Variants in KCNQ5 observed in about 807,000 individuals in gnomAD.
KCNQ5 encodes the protein potassium voltage-gated channel subfamily KQT member 5.
A neutral mutation model predicts 98.2 loss-of-function variants in KCNQ5; 30 were observed. That is an observed-to-expected ratio of 0.31 (90% CI 0.23 to 0.41). The LOEUF is 0.41. Among genes scored for constraint, KCNQ5 ranks in the 10% least tolerant of loss-of-function variants. The probability of loss-of-function intolerance (pLI) is 1.00; values close to 1 mark genes in which losing one functional copy is unlikely to be tolerated. For synonymous variants in KCNQ5, 458 were observed against 449.4 expected, an observed-to-expected ratio of 1.02 and a Z score of -0.24; for missense variants, 835 against 1,182.5, an observed-to-expected ratio of 0.71 and a Z score of 4.31.
intron 1 of KCNQ5, among the ~76,000 whole-genome samples, chr6:72,634,327 T>C (rs957817573): frequency 6.6e-5 from 10 of 152,330 alleles, no homozygotes; most frequent in African/African-American, 2.4e-4. Context: ...TTTCTTTAAA[T>C]ATTTTTCTGA....
At chr6:72,799,112 A>T (rs1477717186) in intron 1 of KCNQ5, among the ~76,000 whole-genome samples, 1 of 152,134 alleles carries the variant, frequency 6.6e-6, no homozygotes, top group Non-Finnish European at 1.5e-5. Flanking sequence ...AGAGACAGAG[A>T]GACAGATTGC....
chr6:72,817,711 T>TG (rs1252513967), intron 1 of KCNQ5, among the ~76,000 whole-genome samples: 1 of 152,054 alleles, frequency 6.6e-6, no homozygotes, highest in Non-Finnish European at 1.5e-5. Context: ...CTGACCATTA[T>TG]GGTGAAACCC....
Position 72,749,316 on chromosome 6 carries a change from C to T in KCNQ5, c.398+126729C>T, listed in dbSNP as rs542307698. On this transcript the variant is annotated intron_variant, in intron 1 of 13. Coordinates refer to ENST00000370398, the MANE Select transcript of KCNQ5 (RefSeq NM_019842.4). The stretch of plus-strand genomic sequence containing the variant: ...GTGATTTTTGGTTTATATTTTAAAG[C>T]CACCTGGTTATGAGGTATCTTTACT... 5.3e-5 allele frequency among the ~76,000 whole-genome samples: 8 copies of T among 152,158 alleles called. No homozygotes were observed. The South Asian group carries it at 1.7e-3, about 32-fold the overall frequency.
chr6:72,972,659 C>A (rs555865541), intron 1 of KCNQ5, among the ~76,000 whole-genome samples: 48 of 152,210 alleles, frequency 3.2e-4, no homozygotes, highest in Admixed American at 2.8e-3. Flanking sequence ...CATGTCCCTG[C>A]AAAGGACATG....
At chr6:72,645,208 AAAAAAC>A (rs1194635073) in intron 1 of KCNQ5, among the ~76,000 whole-genome samples, 1 of 143,254 alleles carries the variant, frequency 7.0e-6, no homozygotes, top group East Asian at 2.1e-4. Context: ...TGTCACCAAA[AAAAAAC>A]AAAAAAAAAC....
chr6:73,093,322 G>A (rs184696620), intron 5 of KCNQ5, among the ~76,000 whole-genome samples: 20 of 152,080 alleles, frequency 1.3e-4, no homozygotes, highest in Middle Eastern at 3.4e-3. Flanking sequence ...CTTGCTAACG[G>A]TCTATCAATT....
intron 1 of KCNQ5, among the ~76,000 whole-genome samples, chr6:72,968,355 C>CA (rs1767717319): frequency 1.3e-5 from 2 of 151,194 alleles, no homozygotes. Flanking sequence ...CATGCAAACT[C>CA]AAAGTACTGA....
intron 1 of KCNQ5, among the ~76,000 whole-genome samples, chr6:72,777,189 T>C (rs960590253): frequency 7.9e-5 from 12 of 152,172 alleles, no homozygotes; most frequent in Non-Finnish European, 1.6e-4. Flanking sequence ...AGAAAGTTAT[T>C]GCAAGGTTTT....
chr6:72,803,276 G>T (rs992629252), intron 1 of KCNQ5, among the ~76,000 whole-genome samples: 1 of 152,164 alleles, frequency 6.6e-6, no homozygotes, highest in Non-Finnish European at 1.5e-5. Flanking sequence ...ATAAAAACCT[G>T]CATAATAGAC....
At chr6:72,681,187 G>T (rs543961563) in intron 1 of KCNQ5, among the ~76,000 whole-genome samples, 17 of 152,360 alleles carry the variant, frequency 1.1e-4, no homozygotes, top group Non-Finnish European at 2.2e-4. Flanking sequence ...TTGAGGACGT[G>T]AGAAGAAAGC....
At chr6:73,011,741 T>C (rs752922176) in intron 2 of KCNQ5, among the ~76,000 whole-genome samples, 15 of 151,992 alleles carry the variant, frequency 9.9e-5, no homozygotes, top group Non-Finnish European at 2.2e-4. Flanking sequence ...GGTTAATATC[T>C]GGACTATGTA....
intron 11 of KCNQ5, among the ~76,000 whole-genome samples, chr6:73,184,847 C>T (rs575658873): frequency 2.6e-5 from 4 of 152,254 alleles, no homozygotes; most frequent in African/African-American, 9.6e-5. Flanking sequence ...GGCTGGAGAG[C>T]AGGCAGCATG....
At chr6:72,668,751 C>T (rs1302338274) in intron 1 of KCNQ5, among the ~76,000 whole-genome samples, 1 of 146,346 alleles carries the variant, frequency 6.8e-6, no homozygotes, top group African/African-American at 2.5e-5. Flanking sequence ...TGTGCTCTCT[C>T]CCCACCATGT....
chr6:72,913,732 C>A (rs1344677858), intron 1 of KCNQ5, among the ~76,000 whole-genome samples: 1 of 151,986 alleles, frequency 6.6e-6, no homozygotes, highest in Non-Finnish European at 1.5e-5. Context: ...ACGGCTGAGG[C>A]CCCTGTAAGA....
intron 10 of KCNQ5, among the ~76,000 whole-genome samples, chr6:73,167,041 G>A (rs1777829674): frequency 6.6e-6 from 1 of 152,082 alleles, no homozygotes; most frequent in Non-Finnish European, 1.5e-5. Flanking sequence ...TCCTACTACA[G>A]CAACTAAGAG....
At chr6:73,072,172 A>G (rs976709373) in intron 3 of KCNQ5, among the ~76,000 whole-genome samples, 6 of 152,184 alleles carry the variant, frequency 3.9e-5, no homozygotes, top group South Asian at 2.1e-4. Flanking sequence ...AGACTATAGA[A>G]TAACTTTTAA....
intron 1 of KCNQ5, among the ~76,000 whole-genome samples, chr6:72,761,771 G>A (rs1467686720): frequency 1.3e-5 from 2 of 151,992 alleles, no homozygotes; most frequent in African/African-American, 2.4e-5. Context: ...AGTAAAGATT[G>A]AGGAGGAAAC....
In KCNQ5 at chr6:73,190,643, A is replaced by T; in HGVS notation, c.1648A>T (p.Ile550Phe). The change falls in exon 12 of 14, where the codon ATT becomes TTT. Residue 550 changes from isoleucine (I) to phenylalanine (F), a missense_variant. Coordinates refer to ENST00000370398, the MANE Select transcript of KCNQ5 (RefSeq NM_019842.4). ...TLRPYDVKDVIEQYSAGHLDM... is the reference protein window; with the variant it reads ...TLRPYDVKDVFEQYSAGHLDM... ...ACGTCCATATGATGTAAAAGATGTC[A>T]TTGAACAATATTCTGCTGGTCATCT... is the stretch of plus-strand genomic sequence containing the variant. 2 of 1,596,132 alleles carry T rather than the reference A, an allele frequency of 1.3e-6. No homozygotes were observed. Among genetic ancestry groups the T allele is most frequent in the Non-Finnish European group, 1.7e-6 (2 of 1,168,308 alleles).
In KCNQ5 at chr6:73,056,179, C is replaced by T. The variant is rs115543284; in HGVS notation, c.616+14117C>T. ...TGTGAGGAGGAGCCATGCTGAGCTA[C>T]GACCAATGAGGAGAAGCAAGAGAGC... On this transcript the variant is annotated intron_variant, in intron 3 of 13. Coordinates refer to ENST00000370398, the MANE Select transcript of KCNQ5 (RefSeq NM_019842.4). Among the ~76,000 whole-genome samples the T allele has an allele frequency of 2.8e-3, 420 of 152,236 alleles. 2 individuals are homozygous for T. Among genetic ancestry groups the T allele is most frequent in the African/African-American group, 9.5e-3 (396 of 41,544 alleles).
Sources: allele counts gnomAD v4.1 joint callset (sites outside exome capture counted in the v4.1 genomes callset), GRCh38; gene constraint gnomAD v4.1.1; transcripts MANE v1.5; gene names NCBI Gene and HGNC (gene_info 2026-07-23, HGNC 2026-07-21).